The following COL8A1 variants were observed in gnomAD, a reference collection of about 807,000 sequenced individuals.
COL8A1 encodes the protein collagen type VIII alpha 1 chain, also known as collagen alpha-1(VIII) chain.
A neutral mutation model predicts 42.7 loss-of-function variants in COL8A1; 21 were observed. The ratio of observed to expected loss-of-function variants is 0.49; its 90% CI spans 0.35 to 0.71. The LOEUF (loss-of-function observed/expected upper bound fraction) is 0.71. Among genes scored for constraint, COL8A1 ranks in the 30% least tolerant of loss-of-function variants. COL8A1 has a pLI of 0.01. For synonymous variants in COL8A1, 367 were observed against 369.1 expected, an observed-to-expected ratio of 0.99 and a Z score of 0.06; for missense variants, 788 against 962.4, an observed-to-expected ratio of 0.82 and a Z score of 2.40.
At chr3:99,755,063 T>C (rs1216060359) in intron 2 of COL8A1, among the ~76,000 whole-genome samples, 1 of 152,224 alleles carries the variant, frequency 6.6e-6, no homozygotes, top group Non-Finnish European at 1.5e-5. Flanking sequence ...TTGCACATAT[T>C]TAGTCACCAA....
chr3:99,734,582 G>A (rs1940639566), intron 1 of COL8A1, among the ~76,000 whole-genome samples: 1 of 151,990 alleles, frequency 6.6e-6, no homozygotes, highest in African/African-American at 2.4e-5. Context: ...GTCAGGTAGT[G>A]TGATGCCTCC....
In COL8A1 at chr3:99,675,717, G is replaced by A. The variant is rs545140512; in HGVS notation, c.-129+37053G>A. 3.9e-4 allele frequency: 60 copies of A among 152,532 alleles called. 1 individual carries two copies. Among genetic ancestry groups the A allele is most frequent in the African/African-American group, 1.2e-3 (51 of 41,516 alleles). The allele number at this position is 152,532 out of a possible 1,614,324, so 9.4% of individuals were successfully genotyped here. On this transcript the variant is annotated intron_variant, in intron 1 of 3. Coordinates refer to ENST00000652472, the MANE Select transcript of COL8A1 (RefSeq NM_020351.4). ...GTCATCTCAAGAACAAAAGACAACT[G>A]AAAGGTAATATTTCAAATATTAATT...
chr3:99,759,329 T>C (rs1407347714), intron 2 of COL8A1, among the ~76,000 whole-genome samples: 1 of 152,190 alleles, frequency 6.6e-6, no homozygotes, highest in Non-Finnish European at 1.5e-5. Flanking sequence ...AAAGGAGTTG[T>C]ATTTGCTATG....
Position 99,727,351 on chromosome 3 carries a change from A to G in COL8A1, c.-128-17546A>G, listed in dbSNP as rs1223086383. On this transcript the variant is annotated intron_variant, in intron 1 of 3. Coordinates refer to ENST00000652472, the MANE Select transcript of COL8A1 (RefSeq NM_020351.4). ...GCTTTTCTAGATATACAGTCATGTC[A>G]TCTGCAAACAGGGACAATTTGACTT... Among the ~76,000 whole-genome samples, 3 of 152,264 alleles carry G rather than the reference A, an allele frequency of 2.0e-5. No individual in the cohort carries two copies. The Middle Eastern group carries it at 0.01, about 518-fold the overall frequency.
chr3:99,674,813 T>TTAAATA (rs1938645650), intron 1 of COL8A1, among the ~76,000 whole-genome samples: 1 of 152,068 alleles, frequency 6.6e-6, no homozygotes, highest in Non-Finnish European at 1.5e-5. Flanking sequence ...TACAGAGACT[T>TTAAATA]ATTTATTGAA....
At chr3:99,691,932 C>T (rs1324010139) in intron 1 of COL8A1, 1 of 152,038 alleles carries the variant, frequency 6.6e-6, no homozygotes, top group African/African-American at 2.4e-5. Context: ...CAAATGAATA[C>T]CAATGCTTTC....
At chr3:99,758,791 T>A (rs367859547) in intron 2 of COL8A1, among the ~76,000 whole-genome samples, 1 of 152,272 alleles carries the variant, frequency 6.6e-6, no homozygotes, top group East Asian at 1.9e-4. Context: ...TCTCTCTTTA[T>A]AAACCTTAAT....
At chr3:99,702,651 A>G (rs1939573579) in intron 1 of COL8A1, among the ~76,000 whole-genome samples, 1 of 152,174 alleles carries the variant, frequency 6.6e-6, no homozygotes, top group Non-Finnish European at 1.5e-5. Context: ...TTATTCATTC[A>G]TTTATCAATT....
intron 1 of COL8A1, among the ~76,000 whole-genome samples, chr3:99,672,238 C>A (rs1004871500): frequency 2.0e-5 from 3 of 151,988 alleles, no homozygotes; most frequent in Non-Finnish European, 4.4e-5. Context: ...AACACCTATT[C>A]TCTGTTTCAA....
chr3:99,731,128 C>T (rs144717501), intron 1 of COL8A1, among the ~76,000 whole-genome samples: 3 of 151,874 alleles, frequency 2.0e-5, no homozygotes, highest in East Asian at 1.9e-4. Context: ...GAGAGAAGAA[C>T]GATAGGGGTT....
chr3:99,697,144 G>A (rs1220349652), intron 1 of COL8A1, among the ~76,000 whole-genome samples: 1 of 150,860 alleles, frequency 6.6e-6, no homozygotes, highest in Non-Finnish European at 1.5e-5. Context: ...CCGCCACTAC[G>A]CCCGGCTAAT....
intron 2 of COL8A1, among the ~76,000 whole-genome samples, chr3:99,749,759 C>A (rs1274099473): frequency 6.6e-6 from 1 of 152,060 alleles, no homozygotes; most frequent in Non-Finnish European, 1.5e-5. Flanking sequence ...TTGCTTTCCT[C>A]CATTATACTC....
intron 1 of COL8A1, among the ~76,000 whole-genome samples, chr3:99,687,509 G>C (rs1176832377): frequency 6.6e-6 from 1 of 152,212 alleles, no homozygotes; most frequent in Non-Finnish European, 1.5e-5. Flanking sequence ...ATGAGGTTGA[G>C]AGTGGGGAGC....
rs184124635 is a variant in COL8A1, at chr3:99,649,792, C to T, written c.-129+11128C>T. 5.0e-3 allele frequency among the ~76,000 whole-genome samples: 763 copies of T among 152,156 alleles called. 6 individuals carry two copies. The highest frequency in any genetic ancestry group is 0.022 in the Admixed American group (334 of 15,278). On this transcript the variant is annotated intron_variant, in intron 1 of 3. Transcript: ENST00000652472. ...GCTCACTCTTTCTCTCTCTGTCACA[C>T]ACACACACACACATACACATACACA...
Position 99,678,373 on chromosome 3 carries a change from G to T in COL8A1, c.-129+39709G>T, listed in dbSNP as rs766391855. On this transcript the variant is annotated intron_variant, in intron 1 of 3. Transcript: ENST00000652472. ...GGACACAATACAGCATGTAATAAAA[G>T]TGCCTGGGATATTTTCCTCCTTGGC... 7 of 152,206 alleles carry T rather than the reference G, an allele frequency of 4.6e-5. No individual in the cohort carries two copies. In the South Asian group the frequency reaches 6.2e-4, roughly 14 times the overall value. The allele number at this position is 152,206 out of a possible 1,614,324, so 9.4% of individuals were successfully genotyped here. A position where few individuals can be genotyped will look rare whatever the true frequency, so the allele number is the denominator to read the frequency against.
Position 99,687,934 on chromosome 3 carries a change from C to T in COL8A1, c.-129+49270C>T, listed in dbSNP as rs1403691399. On this transcript the variant is annotated intron_variant, in intron 1 of 3. Coordinates refer to ENST00000652472, the MANE Select transcript of COL8A1 (RefSeq NM_020351.4). ...CCCATAAAGTGCCCGTAAAAGAAAG[C>T]AGCACAAGAGAGTTGGCTTATTTAG... is the stretch of plus-strand genomic sequence containing the variant. Among the ~76,000 whole-genome samples the T allele has an allele frequency of 2.6e-5, 4 of 152,142 alleles. No individual in the cohort carries two copies. The South Asian group carries it at 6.2e-4, about 24-fold the overall frequency.
chr3:99,761,944 A>G lies in COL8A1; in HGVS notation c.-4+16923A>G, dbSNP rs1377174277. 2.6e-5 allele frequency among the ~76,000 whole-genome samples: 4 copies of G among 152,316 alleles called. No individual in the cohort carries two copies. The East Asian group carries it at 7.7e-4, about 29-fold the overall frequency. On this transcript the variant is annotated intron_variant, in intron 2 of 3. Transcript: ENST00000652472. ...TTTTATTAAGAATTCCAGCTATTCC[A>G]GCAATAAATTTTAGACACCACAGCT... is the stretch of plus-strand genomic sequence containing the variant.
chr3:99,644,892 TA>T (rs1207281466), intron 1 of COL8A1, among the ~76,000 whole-genome samples: 1 of 152,212 alleles, frequency 6.6e-6, no homozygotes, highest in Non-Finnish European at 1.5e-5. Flanking sequence ...TCCCCTCTGT[TA>T]GCTAGATAAA....
At chr3:99,696,811 T>G (rs1266136651) in intron 1 of COL8A1, among the ~76,000 whole-genome samples, 1 of 152,192 alleles carries the variant, frequency 6.6e-6, no homozygotes, top group East Asian at 1.9e-4. Flanking sequence ...GGCATTAGTT[T>G]GTAATTCATG....
Sources: gnomAD v4.1 joint callset for allele counts (sites outside exome capture counted in the v4.1 genomes callset) on GRCh38, gnomAD v4.1.1 for gene constraint, MANE v1.5 for transcripts, NCBI Gene and HGNC (gene_info 2026-07-23, HGNC 2026-07-21) for gene names.